Variants in TMPRSS15 observed in about 807,000 individuals in gnomAD.
TMPRSS15 encodes the protein transmembrane serine protease 15, also known as enteropeptidase.
A neutral mutation model predicts 125.3 loss-of-function variants in TMPRSS15; 128 were observed. That is an observed-to-expected ratio of 1.02 (90% confidence interval 0.89 to 1.18). TMPRSS15 has a LOEUF of 1.18. Among genes scored for constraint, TMPRSS15 ranks in the 50% most tolerant of loss-of-function variants. The probability of loss-of-function intolerance (pLI) is 0.00; values close to 1 mark genes in which losing one functional copy is unlikely to be tolerated. For missense variants in TMPRSS15, 1,283 were observed against 1,212.7 expected (o/e 1.06, Z -0.86); for synonymous variants, 446 against 423.2 (o/e 1.05, Z -0.66).
At chr21:18,365,553 T>A (rs2075719582) in intron 6 of TMPRSS15, among the ~76,000 whole-genome samples, 1 of 124,182 alleles carries the variant, frequency 8.1e-6, no homozygotes, top group Non-Finnish European at 1.7e-5. Context: ...TCCTTCCTTT[T>A]CTCTCTTTCT....
At chr21:18,294,759 T>C in intron 19 of TMPRSS15, 107 bp from the exon 20 acceptor site, 1 of 948,414 alleles carries the variant, frequency 1.1e-6, no homozygotes, top group Non-Finnish European at 1.7e-6. Flanking sequence ...GACATCTTAA[T>C]GTCTCATATA....
chr21:18,330,782 A>T (rs1017163056), intron 14 of TMPRSS15, among the ~76,000 whole-genome samples: 1 of 152,146 alleles, frequency 6.6e-6, no homozygotes, highest in East Asian at 1.9e-4. Context: ...TGTTTAAAAG[A>T]TGTCTTCAGG....
At chr21:18,470,149 C>T (rs1047507041) in intron 1 of TMPRSS15, among the ~76,000 whole-genome samples, 3 of 151,892 alleles carry the variant, frequency 2.0e-5, no homozygotes, top group African/African-American at 4.8e-5. Flanking sequence ...TTGAGAATAG[C>T]CTTTGCTCTC....
chr21:18,382,926 T>G (rs1328697312), intron 4 of TMPRSS15, among the ~76,000 whole-genome samples: 1 of 152,162 alleles, frequency 6.6e-6, no homozygotes, highest in African/African-American at 2.4e-5. Context: ...TATTTCTTCT[T>G]TTTTGGTTTA....
chr21:18,389,629 A>G (rs2075974593), intron 3 of TMPRSS15, among the ~76,000 whole-genome samples: 1 of 152,166 alleles, frequency 6.6e-6, no homozygotes, highest in African/African-American at 2.4e-5. Context: ...TATATATAAA[A>G]GTCTATGTTC....
chr21:18,302,276 A>G (rs2074980986), intron 18 of TMPRSS15, among the ~76,000 whole-genome samples: 1 of 152,130 alleles, frequency 6.6e-6, no homozygotes, highest in Non-Finnish European at 1.5e-5. Context: ...TTCTTTTCAG[A>G]TTGGAGGGAA....
At chr21:18,315,296 C>T (rs760037286) in intron 16 of TMPRSS15, 40 bp from the exon 17 acceptor site, 2 of 1,519,532 alleles carry the variant, frequency 1.3e-6, no homozygotes, top group South Asian at 1.1e-5. Context: ...ATAAAGAAAA[C>T]ACAAATGGAT....
intron 16 of TMPRSS15, among the ~76,000 whole-genome samples, chr21:18,317,709 T>C (rs2075182117): frequency 6.6e-6 from 1 of 151,310 alleles, no homozygotes; most frequent in African/African-American, 2.5e-5. Context: ...TGTTTGTGTG[T>C]GTGTGTGTAA....
At chr21:18,326,630 T>A in intron 15 of TMPRSS15, 58 bp from the exon 16 acceptor site, 2 of 1,607,038 alleles carry the variant, frequency 1.2e-6, no homozygotes. Flanking sequence ...TAGAAGGAAA[T>A]GTACCCCACA....
intron 1 of TMPRSS15, among the ~76,000 whole-genome samples, chr21:18,441,116 A>T (rs1216590172): frequency 6.6e-6 from 1 of 151,418 alleles, no homozygotes; most frequent in African/African-American, 2.4e-5. Context: ...AATATGATGA[A>T]ATCCTGTTTC....
chr21:18,283,169 C>A (rs1284847361), intron 21 of TMPRSS15, among the ~76,000 whole-genome samples: 1 of 152,232 alleles, frequency 6.6e-6, no homozygotes, highest in East Asian at 1.9e-4. Context: ...CCCTGGGATT[C>A]CCGTGTCTAC....
chr21:18,377,366 G>T (rs567045727), intron 5 of TMPRSS15, among the ~76,000 whole-genome samples: 4 of 151,912 alleles, frequency 2.6e-5, no homozygotes, highest in Non-Finnish European at 5.9e-5. Context: ...TATCCAAATA[G>T]TTGTTTTGTT....
chr21:18,377,383 T>C (rs2075855097), intron 5 of TMPRSS15, among the ~76,000 whole-genome samples: 1 of 152,112 alleles, frequency 6.6e-6, no homozygotes, highest in Admixed American at 6.5e-5. Flanking sequence ...TGTTCAATTC[T>C]GTTTCATCAA....
chr21:18,270,068 A>G lies in TMPRSS15; in HGVS notation c.2961T>C (p.Gly987=), dbSNP rs1205257774. The G allele has an allele frequency of 6.2e-7, 1 of 1,614,030 alleles. No homozygotes were observed. The highest frequency in any genetic ancestry group is 8.5e-7 in the Non-Finnish European group (1 of 1,179,918). The change falls in exon 25 of 25, where the codon GGT becomes GGC. Residue 987 remains glycine (G), a synonymous_variant. Coordinates refer to ENST00000284885, the MANE Select transcript of TMPRSS15 (RefSeq NM_002772.3). ...CACACTTGTATCCAAATGAGGTCAC[A>G]CCAGCAAGGAACCACCTGTTGTTTT... ...CQENNRWFLA[G]VTSFGYKCAL...
intron 3 of TMPRSS15, among the ~76,000 whole-genome samples, chr21:18,391,732 G>T (rs1463510773): frequency 6.6e-6 from 1 of 152,186 alleles, no homozygotes; most frequent in Non-Finnish European, 1.5e-5. Flanking sequence ...ACTCTGTGTG[G>T]GGGCTCTAGC....
intron 6 of TMPRSS15, among the ~76,000 whole-genome samples, chr21:18,365,679 C>CTTCCTTCCTTCCT (rs1569035802): frequency 1.5e-5 from 2 of 129,586 alleles, no homozygotes; most frequent in African/African-American, 6.1e-5. Context: ...TCCTTCCTTC[C>CTTCCTTCCTTCCT]TTCCTTCCTT....
chr21:18,484,617 T>A (rs1979044404), intron 1 of TMPRSS15, among the ~76,000 whole-genome samples: 1 of 151,790 alleles, frequency 6.6e-6, no homozygotes, highest in South Asian at 2.1e-4. Context: ...ATATATGTAG[T>A]GATCAGGACA....
intron 1 of TMPRSS15, among the ~76,000 whole-genome samples, chr21:18,473,567 G>A (rs1978820210): frequency 6.6e-6 from 1 of 151,944 alleles, no homozygotes; most frequent in African/African-American, 2.4e-5. Flanking sequence ...GTTGATGTGT[G>A]TTATTTTAAT....
intron 1 of TMPRSS15, among the ~76,000 whole-genome samples, chr21:18,413,347 C>CCTTCCTTT (rs2076172054): frequency 7.3e-6 from 1 of 137,068 alleles, no homozygotes; most frequent in South Asian, 2.4e-4. Flanking sequence ...TTCCTTCCTT[C>CCTTCCTTT]CTTCCTTCCT....
Sources: allele counts gnomAD v4.1 joint callset (sites outside exome capture counted in the v4.1 genomes callset), GRCh38; gene constraint gnomAD v4.1.1; transcripts MANE v1.5; gene names NCBI Gene and HGNC (gene_info 2026-07-23, HGNC 2026-07-21).